The following NRP2 variants were observed in gnomAD, a reference collection of about 807,000 sequenced individuals.
NRP2 encodes the protein neuropilin-2.
A neutral mutation model predicts 110.4 loss-of-function variants in NRP2; 52 were observed. The ratio of observed to expected loss-of-function variants is 0.47; its 90% CI spans 0.38 to 0.59. The LOEUF (loss-of-function observed/expected upper bound fraction) is 0.59. Among genes scored for constraint, NRP2 ranks in the 20% least tolerant of loss-of-function variants. The pLI, the probability that NRP2 is intolerant of heterozygous loss-of-function variation, is 0.00. For missense variants in NRP2, 1,049 were observed against 1,203.0 expected (o/e 0.87, Z 1.89); for synonymous variants, 508 against 468.9 (o/e 1.08, Z -1.08).
intron 1 of NRP2, among the ~76,000 whole-genome samples, chr2:205,692,908 T>A (rs1379095907): frequency 6.6e-6 from 1 of 152,196 alleles, no homozygotes; most frequent in Non-Finnish European, 1.5e-5. Flanking sequence ...ATTCTATAGA[T>A]GAGAAAACAA....
At chr2:205,700,012 A>G (rs1458832852) in intron 2 of NRP2, among the ~76,000 whole-genome samples, 1 of 148,288 alleles carries the variant, frequency 6.7e-6, no homozygotes, top group Non-Finnish European at 1.5e-5. Context: ...TGTATTTAGA[A>G]AGACTCATCT....
At chr2:205,788,816 T>G (rs1447647058) in intron 15 of NRP2, among the ~76,000 whole-genome samples, 1 of 152,212 alleles carries the variant, frequency 6.6e-6, no homozygotes, top group Non-Finnish European at 1.5e-5. Flanking sequence ...AGGGCCTTGA[T>G]GGTAGACACC....
chr2:205,754,181 C>T (rs996403071), intron 12 of NRP2, among the ~76,000 whole-genome samples: 3 of 152,008 alleles, frequency 2.0e-5, no homozygotes, highest in Non-Finnish European at 4.4e-5. Context: ...GGGTGAATTC[C>T]GGAAATTTAG....
In NRP2 at chr2:205,730,206, T is replaced by A. The variant is rs1278478375; in HGVS notation, c.1146+2160T>A. Among the ~76,000 whole-genome samples the A allele has an allele frequency of 4.6e-5, 7 of 152,232 alleles. No homozygotes were observed. In the East Asian group the frequency reaches 1.3e-3, roughly 29 times the overall value. On this transcript the variant is annotated intron_variant, in intron 7 of 16. Coordinates refer to ENST00000357785, the MANE Select transcript of NRP2 (RefSeq NM_003872.3). ...TCTCAGCTGCCCCTTCATTAGCAGATCTTTCGTTCAGATATCTGTATTTAA... is the reference window on the plus strand; with the variant it reads ...TCTCAGCTGCCCCTTCATTAGCAGAACTTTCGTTCAGATATCTGTATTTAA...
At chr2:205,698,611 C>T (rs2056487654) in intron 2 of NRP2, among the ~76,000 whole-genome samples, 1 of 152,198 alleles carries the variant, frequency 6.6e-6, no homozygotes. Context: ...AAGCAGGCAG[C>T]ATGTCTAGAA....
chr2:205,719,017 A>G (rs1381779746), intron 3 of NRP2, among the ~76,000 whole-genome samples: 1 of 151,994 alleles, frequency 6.6e-6, no homozygotes, highest in African/African-American at 2.4e-5. Context: ...AGAGAAGTTT[A>G]GAAAAATGAG....
chr2:205,717,119 C>T lies in NRP2; in HGVS notation c.433+745C>T, dbSNP rs116123177. On this transcript the variant is annotated intron_variant, in intron 3 of 16. Coordinates refer to ENST00000357785, the MANE Select transcript of NRP2 (RefSeq NM_003872.3). ...CAGCAGACTTTTATTCACAAGACCC[C>T]GCTTCATCAGCTACACTCAAGCTCT... Among the ~76,000 whole-genome samples, 838 of 144,324 alleles carry T rather than the reference C, an allele frequency of 5.8e-3. 9 individuals are homozygous for T. Among genetic ancestry groups the T allele is most frequent in the African/African-American group, 0.019 (746 of 40,056 alleles). The allele number at this position is 144,324 out of a possible 152,430, so 94.7% of individuals were successfully genotyped here.
At chr2:205,732,601 G>A (rs976198991) in intron 7 of NRP2, among the ~76,000 whole-genome samples, 5 of 152,184 alleles carry the variant, frequency 3.3e-5, no homozygotes, top group African/African-American at 7.2e-5. Context: ...AAGGCTCTCC[G>A]CGGATATAAT....
At chr2:205,713,668 C>T (rs1225269105) in intron 2 of NRP2, among the ~76,000 whole-genome samples, 1 of 152,066 alleles carries the variant, frequency 6.6e-6, no homozygotes, top group African/African-American at 2.4e-5. Context: ...TCCATAAAAA[C>T]AAAAAATTCT....
chr2:205,722,508 G>A lies in NRP2; in HGVS notation c.464G>A (p.Ser155Asn). Residue 155 changes from serine to asparagine, a missense_variant, in exon 4 of 17, where the codon AGC becomes AAC. By Grantham distance (46) the Ser-to-Asn change is conservative (BLOSUM62 1). Coordinates refer to ENST00000357785, the MANE Select transcript of NRP2 (RefSeq NM_003872.3). ...GAAGATTGCTCAAAAAACTTCACAA[G>A]CCCCAACGGGACCATCGAATCTCCT... Reference protein sequence around the residue: ...GSEDCSKNFTSPNGTIESPGF... With the variant: ...GSEDCSKNFTNPNGTIESPGF... 1 of 1,614,150 alleles carries A rather than the reference G, an allele frequency of 6.2e-7. No individual in the cohort carries two copies.
intron 15 of NRP2, among the ~76,000 whole-genome samples, chr2:205,773,389 AT>A (rs2058052108): frequency 6.6e-6 from 1 of 152,176 alleles, no homozygotes. Flanking sequence ...ACATAGTACT[AT>A]TTCTCATTTC....
intron 15 of NRP2, among the ~76,000 whole-genome samples, chr2:205,775,950 T>G (rs1290410212): frequency 6.6e-6 from 1 of 152,152 alleles, no homozygotes; most frequent in Non-Finnish European, 1.5e-5. Context: ...CTTGGTTGAA[T>G]CCCATACTTA....
intron 12 of NRP2, among the ~76,000 whole-genome samples, chr2:205,757,898 T>C (rs201433585): frequency 8.4e-4 from 14 of 16,694 alleles, no homozygotes; most frequent in East Asian, 5.5e-3. Context: ...TTCTTTACCC[T>C]TTTTTTTTTT....
chr2:205,688,808 G>C lies in NRP2; in HGVS notation c.73+5445G>C, dbSNP rs1248623675. 2.0e-5 allele frequency among the ~76,000 whole-genome samples: 3 copies of C among 151,894 alleles called. No homozygotes were observed. In the South Asian group the frequency reaches 6.2e-4, roughly 32 times the overall value. On this transcript the variant is annotated intron_variant, in intron 1 of 16. Transcript: ENST00000357785. ...ATTTAGGATAGAGAAGAGTAGGATT[G>C]AGAAGAAAGGAGAGAAATAGGAGTT... is the stretch of plus-strand genomic sequence containing the variant.
intron 13 of NRP2, among the ~76,000 whole-genome samples, chr2:205,764,870 G>A (rs555899198): frequency 3.9e-5 from 6 of 152,294 alleles, no homozygotes; most frequent in African/African-American, 1.4e-4. Flanking sequence ...CATTAGATGG[G>A]TGAGCTTCTC....
At chr2:205,769,420 G>A (rs1251724097) in intron 15 of NRP2, among the ~76,000 whole-genome samples, 1 of 151,584 alleles carries the variant, frequency 6.6e-6, no homozygotes, top group African/African-American at 2.4e-5. Flanking sequence ...TTCATTTTCC[G>A]CCTCTTACTG....
intron 7 of NRP2, among the ~76,000 whole-genome samples, chr2:205,740,180 T>G (rs2057415206): frequency 6.6e-6 from 1 of 152,180 alleles, no homozygotes; most frequent in South Asian, 2.1e-4. Context: ...AAAGATGATA[T>G]TTTTACTTCA....
chr2:205,723,193 G>T (rs1434447235), intron 4 of NRP2, among the ~76,000 whole-genome samples: 1 of 152,176 alleles, frequency 6.6e-6, no homozygotes, highest in African/African-American at 2.4e-5. Flanking sequence ...CATTAATATA[G>T]TCATAAATAT....
Position 205,743,520 on chromosome 2 carries a change from T to C in NRP2, c.1609T>C (p.Tyr537His), listed in dbSNP as rs1302053333. The C allele has an allele frequency of 6.2e-7, 1 of 1,614,202 alleles. No homozygotes were observed. Among genetic ancestry groups the C allele is most frequent in the Admixed American group, 1.7e-5 (1 of 60,028 alleles). The change falls in exon 9 of 17, where the codon TAC becomes CAC. Residue 537 changes from tyrosine to histidine, a missense_variant. Transcript: ENST00000357785. ...SYSLNGKDWE[Y>H]IQDPRTQQPK... ...CAGCCTAAACGGCAAGGACTGGGAA[T>C]ACATTCAGGACCCCAGGACCCAGCA... is the stretch of plus-strand genomic sequence containing the variant.
Sources: gnomAD v4.1 joint callset for allele counts (sites outside exome capture counted in the v4.1 genomes callset) on GRCh38, gnomAD v4.1.1 for gene constraint, MANE v1.5 for transcripts, NCBI Gene and HGNC (gene_info 2026-07-23, HGNC 2026-07-21) for gene names.